NTM: variants seen among roughly 807,000 people sequenced by gnomAD.
The protein encoded by NTM is IgLON family member 2.
Under a neutral mutation model 42.1 loss-of-function variants are expected in NTM, and 13 were observed. The ratio of observed to expected loss-of-function variants is 0.31; its 90% CI spans 0.20 to 0.49. The LOEUF is 0.49. Ranked by LOEUF, NTM falls within the 20% of genes least tolerant of loss-of-function variation. The pLI, the probability that NTM is intolerant of heterozygous loss-of-function variation, is 0.99. For missense variants in NTM, 373 were observed against 452.8 expected, an observed-to-expected ratio of 0.82 and a Z score of 1.60; for synonymous variants, 187 against 179.2, an observed-to-expected ratio of 1.04 and a Z score of -0.35.
chr11:132,157,811 A>G (rs2073517777), intron 3 of NTM, among the ~76,000 whole-genome samples: 1 of 152,176 alleles, frequency 6.6e-6, no homozygotes, highest in Non-Finnish European at 1.5e-5. Flanking sequence ...CCATCTGGTA[A>G]ATGGCAATTG....
intron 1 of NTM, among the ~76,000 whole-genome samples, chr11:131,593,055 C>T (rs760276337): frequency 3.3e-5 from 5 of 152,180 alleles, no homozygotes; most frequent in Non-Finnish European, 7.3e-5. Flanking sequence ...AGCAGTTGCC[C>T]TTGTGAGTGG....
chr11:132,279,391 C>T (rs2093876079), intron 4 of NTM, among the ~76,000 whole-genome samples: 1 of 152,150 alleles, frequency 6.6e-6, no homozygotes, highest in Non-Finnish European at 1.5e-5. Context: ...TCACAGAGAT[C>T]TGTTCATGTG....
chr11:131,918,678 A>G (rs554563360), intron 2 of NTM, among the ~76,000 whole-genome samples: 1 of 152,172 alleles, frequency 6.6e-6, no homozygotes, highest in Non-Finnish European at 1.5e-5. Context: ...TTCATTGCCA[A>G]GTTCCTCTCC....
chr11:131,714,597 C>T (rs1015689875), intron 1 of NTM, among the ~76,000 whole-genome samples: 12 of 152,200 alleles, frequency 7.9e-5, no homozygotes, highest in Non-Finnish European at 1.8e-4. Context: ...TCCTGATGGT[C>T]ACCTGACATT....
intron 1 of NTM, among the ~76,000 whole-genome samples, chr11:131,698,518 C>T (rs2075726019): frequency 6.6e-6 from 1 of 152,126 alleles, no homozygotes; most frequent in African/African-American, 2.4e-5. Flanking sequence ...TGTAATTATT[C>T]CCATTTTACA....
chr11:131,827,061 CT>C (rs1392932323), intron 1 of NTM, among the ~76,000 whole-genome samples: 1 of 152,006 alleles, frequency 6.6e-6, no homozygotes, highest in Non-Finnish European at 1.5e-5. Flanking sequence ...TTCAACAAAC[CT>C]TTTTAAGTAG....
At chr11:132,088,950 A>T (rs2060073105) in intron 2 of NTM, among the ~76,000 whole-genome samples, 1 of 152,172 alleles carries the variant, frequency 6.6e-6, no homozygotes, top group Admixed American at 6.5e-5. Flanking sequence ...AGAAGCCAGA[A>T]ACAGCCAAAT....
In NTM at chr11:131,610,907, G is replaced by A. The variant is rs933854007; in HGVS notation, c.82+240019G>A. On this transcript the variant is annotated intron_variant, in intron 1 of 8. Transcript: ENST00000683400. ...GCTGAAAGGATTTTAGAGCAGAAGA[G>A]TGAAATGAAAGTGGCATTTAAGAAA... 5.9e-5 allele frequency among the ~76,000 whole-genome samples: 9 copies of A among 152,322 alleles called. No homozygotes were observed. The South Asian group carries it at 8.3e-4, about 14-fold the overall frequency.
At chr11:131,444,527 G>T (rs1415061660) in intron 1 of NTM, among the ~76,000 whole-genome samples, 1 of 152,154 alleles carries the variant, frequency 6.6e-6, no homozygotes, top group Non-Finnish European at 1.5e-5. Context: ...AAGGGAAAGA[G>T]ATCATGGACT....
chr11:131,594,359 A>T (rs868776273), intron 1 of NTM, among the ~76,000 whole-genome samples: 1 of 152,092 alleles, frequency 6.6e-6, no homozygotes, highest in African/African-American at 2.4e-5. Context: ...CCAAAATCTT[A>T]TGTAACATTC....
rs1225146451 is a variant in NTM, at chr11:132,322,998, C to T, written c.935-7155C>T. ...GAAACCAATGAGAACAAAGACACAACATACCAGAATCTCTGGGACGCATTC... is the reference window on the plus strand; with the variant it reads ...GAAACCAATGAGAACAAAGACACAATATACCAGAATCTCTGGGACGCATTC... On this transcript the variant is annotated intron_variant, in intron 7 of 8. Coordinates refer to ENST00000683400, the MANE Select transcript of NTM (RefSeq NM_001352005.2). Among the ~76,000 whole-genome samples the T allele has an allele frequency of 3.6e-5, 5 of 137,280 alleles. No individual in the cohort carries two copies. The Admixed American group carries it at 3.6e-4, about 10-fold the overall frequency. The allele number at this position is 137,280 out of a possible 152,430, so 90.1% of individuals were successfully genotyped here. A position where few individuals can be genotyped will look rare whatever the true frequency, so the allele number is the denominator to read the frequency against.
chr11:131,952,033 C>T (rs1263724229), intron 2 of NTM, among the ~76,000 whole-genome samples: 2 of 152,036 alleles, frequency 1.3e-5, no homozygotes, highest in African/African-American at 2.4e-5. Flanking sequence ...TCTGATAATA[C>T]ATTCTCTTTT....
At chr11:132,117,365 C>T (rs1473331936) in intron 2 of NTM, among the ~76,000 whole-genome samples, 2 of 152,106 alleles carry the variant, frequency 1.3e-5, no homozygotes, top group Non-Finnish European at 2.9e-5. Context: ...AGCATGGGCC[C>T]CTCTCCCTAG....
intron 1 of NTM, among the ~76,000 whole-genome samples, chr11:131,905,331 C>T (rs1407510595): frequency 1.3e-5 from 2 of 152,212 alleles, no homozygotes; most frequent in African/African-American, 2.4e-5. Context: ...TCCATGACTG[C>T]ATGAACACAC....
At chr11:131,741,386 C>T (rs571122000) in intron 1 of NTM, among the ~76,000 whole-genome samples, 4 of 152,240 alleles carry the variant, frequency 2.6e-5, no homozygotes, top group East Asian at 1.9e-4. Flanking sequence ...TGCCTGAGCA[C>T]GAGGGATGCT....
intron 1 of NTM, among the ~76,000 whole-genome samples, chr11:131,599,388 C>CCCCG (rs1219323721): frequency 1.1e-5 from 1 of 87,830 alleles, no homozygotes; most frequent in African/African-American, 3.8e-5. Context: ...TCCGGCAGAG[C>CCCCG]TAGTCACATG....
intron 1 of NTM, among the ~76,000 whole-genome samples, chr11:131,412,335 G>A (rs1221970192): frequency 6.6e-6 from 1 of 152,148 alleles, no homozygotes; most frequent in Non-Finnish European, 1.5e-5. Flanking sequence ...ATGTTTTGGG[G>A]CATTTCAGTT....
intron 1 of NTM, among the ~76,000 whole-genome samples, chr11:131,457,727 C>A (rs550552874): frequency 2.6e-5 from 4 of 152,176 alleles, no homozygotes; most frequent in Non-Finnish European, 4.4e-5. Context: ...GTCCTCCCCC[C>A]CCAAATTTAT....
chr11:132,167,966 G>A (rs992276152), intron 3 of NTM, among the ~76,000 whole-genome samples: 12 of 152,200 alleles, frequency 7.9e-5, no homozygotes, highest in African/African-American at 2.7e-4. Flanking sequence ...TCAAATTGCT[G>A]TAGAGAGTGC....
Sources: allele counts gnomAD v4.1 joint callset (sites outside exome capture counted in the v4.1 genomes callset), GRCh38; gene constraint gnomAD v4.1.1; transcripts MANE v1.5; gene names NCBI Gene and HGNC (gene_info 2026-07-23, HGNC 2026-07-21).